Variants in SLC12A1 observed in about 807,000 individuals in gnomAD.
The protein encoded by SLC12A1 is solute carrier family 12 member 1.
SLC12A1 carries 89 observed loss-of-function variants against 130.4 expected under a neutral mutation model. That is an observed-to-expected ratio of 0.68 (90% CI 0.58 to 0.81). The LOEUF is 0.81. Ranked by LOEUF, SLC12A1 falls within the 40% of genes least tolerant of loss-of-function variation. SLC12A1 has a pLI of 0.00. For synonymous variants in SLC12A1, 499 were observed against 460.0 expected (o/e 1.08, Z -1.09); for missense variants, 1,310 against 1,336.4 (o/e 0.98, Z 0.31).
intron 17 of SLC12A1, among the ~76,000 whole-genome samples, chr15:48,265,959 C>A (rs2041827263): frequency 6.6e-6 from 1 of 152,048 alleles, no homozygotes; most frequent in Admixed American, 6.6e-5. Context: ...AATATAGAAT[C>A]AATACAGAAA....
intron 7 of SLC12A1, among the ~76,000 whole-genome samples, chr15:48,231,724 ATTATT>A (rs1308924562): frequency 6.6e-6 from 1 of 152,236 alleles, no homozygotes; most frequent in African/African-American, 2.4e-5. Context: ...GATAGCTGTT[ATTATT>A]TAAATGGGCC....
At chr15:48,268,516 A>G (rs1397202995) in intron 18 of SLC12A1, among the ~76,000 whole-genome samples, 1 of 152,216 alleles carries the variant, frequency 6.6e-6, no homozygotes, top group East Asian at 1.9e-4. Flanking sequence ...GGTAACTCAG[A>G]TGCGCATGCA....
At chr15:48,245,177 G>A (rs1395908335) in intron 11 of SLC12A1, among the ~76,000 whole-genome samples, 4 of 152,332 alleles carry the variant, frequency 2.6e-5, no homozygotes, top group Admixed American at 2.6e-4. Flanking sequence ...CCGATCAGTT[G>A]TGCAAGATTT....
At chr15:48,241,352 A>G (rs1271154128) in intron 9 of SLC12A1, among the ~76,000 whole-genome samples, 163 bp from the exon 10 acceptor site, 6 of 152,232 alleles carry the variant, frequency 3.9e-5, no homozygotes, top group African/African-American at 1.2e-4. Flanking sequence ...GTCTTTGTCC[A>G]AAATAAAGCT....
chr15:48,239,833 T>C (rs1310561642), intron 9 of SLC12A1, among the ~76,000 whole-genome samples: 1 of 151,560 alleles, frequency 6.6e-6, no homozygotes, highest in Non-Finnish European at 1.5e-5. Context: ...GTATTTTTAG[T>C]AGAGATGGGG....
At chr15:48,262,645 G>C (rs1398412009) in intron 17 of SLC12A1, among the ~76,000 whole-genome samples, 1 of 152,058 alleles carries the variant, frequency 6.6e-6, no homozygotes, top group Non-Finnish European at 1.5e-5. Flanking sequence ...ATCCAGCTCA[G>C]TAATTTAAAA....
At chr15:48,293,265 C>T (rs1566859465) in intron 24 of SLC12A1, among the ~76,000 whole-genome samples, 1 of 152,178 alleles carries the variant, frequency 6.6e-6, no homozygotes, top group Non-Finnish European at 1.5e-5. Flanking sequence ...TGCAAGGGTG[C>T]AAGAAGATTG....
intron 9 of SLC12A1, among the ~76,000 whole-genome samples, chr15:48,236,629 GTAAA>G (rs1427393826): frequency 1.8e-4 from 27 of 152,272 alleles, no homozygotes; most frequent in Non-Finnish European, 1.5e-5. Context: ...TACTAATTGA[GTAAA>G]TAAATAAAGG....
intron 2 of SLC12A1, among the ~76,000 whole-genome samples, chr15:48,211,886 C>T (rs1031272583): frequency 9.2e-5 from 14 of 152,202 alleles, no homozygotes; most frequent in South Asian, 2.1e-4. Context: ...GACTTGAGAT[C>T]GTAATTGAAG....
intron 5 of SLC12A1, chr15:48,227,381 A>G: frequency 1.7e-6 from 1 of 586,102 alleles, no homozygotes; most frequent in Non-Finnish European, 3.0e-6. Context: ...GTAACAAAAC[A>G]TGTTTATAAA....
chr15:48,253,440 C>T (rs1271903623), intron 15 of SLC12A1, among the ~76,000 whole-genome samples: 2 of 152,198 alleles, frequency 1.3e-5, no homozygotes, highest in African/African-American at 2.4e-5. Flanking sequence ...GAAACATACA[C>T]GATATAGCCT....
At chr15:48,257,076 G>C (rs928534243) in intron 16 of SLC12A1, among the ~76,000 whole-genome samples, 4 of 152,084 alleles carry the variant, frequency 2.6e-5, no homozygotes, top group Non-Finnish European at 1.5e-5. Context: ...CAAAACAAAG[G>C]GGCTACATGC....
At chr15:48,282,115 C>A (rs74406741) in intron 20 of SLC12A1, among the ~76,000 whole-genome samples, 1 of 152,132 alleles carries the variant, frequency 6.6e-6, no homozygotes, top group Non-Finnish European at 1.5e-5. Context: ...TAAGAACTTG[C>A]GAAAATCACT....
In SLC12A1 at chr15:48,246,994, T is replaced by C; in HGVS notation, c.1538T>C (p.Val513Ala). The C allele has an allele frequency of 1.2e-6, 2 of 1,613,874 alleles. No homozygotes were observed. Among genetic ancestry groups the C allele is most frequent in the Non-Finnish European group, 1.7e-6 (2 of 1,179,798 alleles). Residue 513 changes from valine to alanine, a missense_variant, in exon 12 of 27, where the codon GTC becomes GCC. Val to Ala is a moderately conservative substitution (Grantham distance 64). Coordinates refer to ENST00000380993, the MANE Select transcript of SLC12A1 (RefSeq NM_000338.3). ...CTCTCCTCCGCCCTGGCCTCCCTTGTCAGCGCACCCAAAGTGTTCCAGGTA... is the reference window on the plus strand; with the variant it reads ...CTCTCCTCCGCCCTGGCCTCCCTTGCCAGCGCACCCAAAGTGTTCCAGGTA... ...ATLSSALASL[V>A]SAPKVFQALC...
rs141009100 is a variant in SLC12A1, at chr15:48,260,533, T to C, written c.2154+1222T>C. Among the ~76,000 whole-genome samples, 737 of 152,304 alleles carry C rather than the reference T, an allele frequency of 4.8e-3. 8 individuals are homozygous for C. Among genetic ancestry groups the C allele is most frequent in the Middle Eastern group, 0.044 (13 of 294 alleles). On this transcript the variant is annotated intron_variant, in intron 17 of 26. Transcript: ENST00000380993. ...GAAGCAGGAAAGAAAAGTAGCCCTGTTCCCATTTTAGTGATTGGGAAAGTG... is the reference window on the plus strand; with the variant it reads ...GAAGCAGGAAAGAAAAGTAGCCCTGCTCCCATTTTAGTGATTGGGAAAGTG...
intron 18 of SLC12A1, among the ~76,000 whole-genome samples, chr15:48,268,321 T>A (rs2041855999): frequency 1.3e-5 from 2 of 152,176 alleles, no homozygotes. Context: ...GTTCTGATCG[T>A]CATAATTTAG....
At chr15:48,286,510 A>G (rs2042061964) in intron 21 of SLC12A1, among the ~76,000 whole-genome samples, 1 of 152,192 alleles carries the variant, frequency 6.6e-6, no homozygotes, top group Admixed American at 6.5e-5. Context: ...TGCTCTATTA[A>G]GTGGTACAGT....
chr15:48,234,024 T>TA (rs1168410102), intron 8 of SLC12A1, among the ~76,000 whole-genome samples: 1 of 152,202 alleles, frequency 6.6e-6, no homozygotes, highest in Non-Finnish European at 1.5e-5. Context: ...GAGGATTTGG[T>TA]ATAAGCAGCT....
At chr15:48,289,346 T>G (rs966961650) in intron 23 of SLC12A1, among the ~76,000 whole-genome samples, 1 of 148,176 alleles carries the variant, frequency 6.7e-6, no homozygotes, top group Non-Finnish European at 1.5e-5. Context: ...TTCAGTAATT[T>G]TTAACATTTT....
Sources: allele counts gnomAD v4.1 joint callset (sites outside exome capture counted in the v4.1 genomes callset), GRCh38; gene constraint gnomAD v4.1.1; transcripts MANE v1.5; gene names NCBI Gene and HGNC (gene_info 2026-07-23, HGNC 2026-07-21).